The following SLC16A5 variants were observed in gnomAD, a reference collection of about 807,000 sequenced individuals.
The protein encoded by SLC16A5 is solute carrier family 16 member 5.
A neutral mutation model predicts 33.2 loss-of-function variants in SLC16A5; 29 were observed. The ratio of observed to expected loss-of-function variants is 0.87; its 90% CI spans 0.65 to 1.19. The LOEUF is 1.19. Ranked by LOEUF, SLC16A5 falls within the 50% of genes most tolerant of loss-of-function variation. SLC16A5 has a pLI of 0.00. For missense variants in SLC16A5, 606 were observed against 678.2 expected (o/e 0.89, Z 1.18); for synonymous variants, 248 against 284.1 (o/e 0.87, Z 1.28).
upstream of SLC16A5, chr17:75,087,921 G>C (rs1224917532): frequency 6.6e-6 from 1 of 152,164 alleles, no homozygotes; most frequent in Non-Finnish European, 1.5e-5. Flanking sequence ...ACACCGCCCT[G>C]GGCCCGCCCT....
Position 75,100,808 on chromosome 17 carries a change from C to G in SLC16A5, c.1145C>G (p.Pro382Arg), listed in dbSNP as rs758274595. 1.9e-6 allele frequency: 3 copies of G among 1,591,656 alleles called. No individual in the cohort carries two copies. Among genetic ancestry groups the G allele is most frequent in the Middle Eastern group, 1.7e-4 (1 of 6,012 alleles). ...GGCCTTGCTTTCCTCATCTCCCCAC[C>G]ACTGGCCGGTGAGGAGCTGGGAGGG... ...LDGLAFLISP[P>R]LAGLLLDATN... Residue 382 changes from proline (P) to arginine (R), a missense_variant, in exon 5 of 7, where the codon CCA becomes CGA. Transcript: ENST00000329783.
intron 2 of SLC16A5, 173 bp from the exon 3 acceptor site, chr17:75,093,416 T>A: frequency 6.5e-7 from 1 of 1,535,862 alleles, no homozygotes; most frequent in Non-Finnish European, 8.7e-7. Context: ...TGAAAGGAGA[T>A]GCCAAGGCCA....
intron 3 of SLC16A5, among the ~76,000 whole-genome samples, chr17:75,095,890 A>G (rs1409565472): frequency 6.6e-6 from 1 of 151,590 alleles, no homozygotes; most frequent in Non-Finnish European, 1.5e-5. Flanking sequence ...CGATCTCCTG[A>G]CCTCATGATC....
chr17:75,100,527 G>T lies in SLC16A5; in HGVS notation c.864G>T (p.Arg288Ser). The T allele has an allele frequency of 6.2e-7, 1 of 1,614,196 alleles. No individual in the cohort carries two copies. Among genetic ancestry groups the T allele is most frequent in the Non-Finnish European group, 8.5e-7 (1 of 1,180,028 alleles). The stretch of plus-strand genomic sequence containing the variant: ...TCGGCTTCAGCAACATCTTCCTGAG[G>T]CCCCTAGCCGGGCTGATGGCAGGAC... ...SIIGFSNIFLRPLAGLMAGRP... is the reference protein window; with the variant it reads ...SIIGFSNIFLSPLAGLMAGRP... The change falls in exon 5 of 7, where the codon AGG becomes AGT. Residue 288 changes from arginine (R) to serine (S), a missense_variant. Coordinates refer to ENST00000329783, the MANE Select transcript of SLC16A5 (RefSeq NM_004695.4).
chr17:75,094,029 T>TG (rs1246259654), intron 3 of SLC16A5, among the ~76,000 whole-genome samples, 194 bp downstream of exon 3: 1 of 150,798 alleles, frequency 6.6e-6, no homozygotes, highest in African/African-American at 2.4e-5. Flanking sequence ...GGGGAGAGAG[T>TG]GGGGAGGTGC....
At chr17:75,093,979 G>C (rs997059396) in intron 3 of SLC16A5, 144 bp downstream of exon 3, 1 of 1,273,072 alleles carries the variant, frequency 7.9e-7, no homozygotes, top group Admixed American at 2.8e-5. Flanking sequence ...GATTTCACCA[G>C]GGGCCCCTGG....
chr17:75,092,819 C>T (rs2144999061), intron 2 of SLC16A5, among the ~76,000 whole-genome samples: 1 of 117,468 alleles, frequency 8.5e-6, no homozygotes, highest in Middle Eastern at 4.0e-3. Flanking sequence ...CTGTGTGCCA[C>T]TGCGTGTGTG....
At position 75,093,340 on chromosome 17, in the gene SLC16A5, C is replaced by A; in HGVS notation, c.-48-249C>A. The A allele has an allele frequency of 3.4e-6, 5 of 1,454,704 alleles. No homozygotes were observed. In the East Asian group the frequency reaches 9.9e-5, roughly 29 times the overall value. The allele number at this position is 1,454,704 out of a possible 1,614,324, so 90.1% of individuals were successfully genotyped here. On this transcript the variant is annotated intron_variant, in intron 2 of 6. Transcript: ENST00000329783. ...CCACCTGCCCTGCCCCGTCCTGTCC[C>A]TCCTATCCCTCCTGTCCCTCCTGTC...
rs1430195840 is a variant in SLC16A5 at position 75,105,993 on chromosome 17, A to T, written c.1478A>T (p.Gln493Leu). 1.2e-6 allele frequency: 2 copies of T among 1,604,768 alleles called. No individual in the cohort carries two copies. The highest frequency in any genetic ancestry group is 2.7e-5 in the African/African-American group (2 of 74,742). Residue 493 changes from glutamine to leucine, a missense_variant, in exon 7 of 7, where the codon CAG (glutamine) becomes CTG (leucine). Coordinates refer to ENST00000329783, the MANE Select transcript of SLC16A5 (RefSeq NM_004695.4). Reference sequence around the variant, plus strand: ...CTCTTATGGCCAAAGGCGGTACTGCAGGCCAAGCAAACGGCTCTGGGCTGG... The same window carrying T: ...CTCTTATGGCCAAAGGCGGTACTGCTGGCCAAGCAAACGGCTCTGGGCTGG... Reference protein sequence around the residue: ...EWLLWPKAVLQAKQTALGWNS... With the variant: ...EWLLWPKAVLLAKQTALGWNS...
In SLC16A5 at chr17:75,099,987, T is replaced by C; in HGVS notation, c.344-20T>C. Reference sequence around the variant, plus strand: ...AGGCCCCAGTGCGCCTCCAGGCTGGTTTCCCCTCTTGCCCCGCAGGCCTGG... The same window carrying C: ...AGGCCCCAGTGCGCCTCCAGGCTGGCTTCCCCTCTTGCCCCGCAGGCCTGG... On this transcript the variant is annotated intron_variant, in intron 4 of 6. Transcript: ENST00000329783. 2 of 1,596,250 alleles carry C rather than the reference T, an allele frequency of 1.3e-6. No homozygotes were observed. Among genetic ancestry groups the C allele is most frequent in the Non-Finnish European group, 1.7e-6 (2 of 1,173,406 alleles).
At chr17:75,105,000 T>C (rs1436552816) in intron 6 of SLC16A5, 50 of 985,318 alleles carry the variant, frequency 5.1e-5, no homozygotes, top group Non-Finnish European at 6.0e-5. Flanking sequence ...TCTGAAGAGC[T>C]CACCTTCCTC....
At chr17:75,108,317 G>A (rs1208586022), downstream of SLC16A5, among the ~76,000 whole-genome samples, 1 of 152,176 alleles carries the variant, frequency 6.6e-6, no homozygotes, top group Non-Finnish European at 1.5e-5. Context: ...GCACCTAGGG[G>A]TAAGATGCAC....
chr17:75,105,321 A>G, intron 6 of SLC16A5: 1 of 985,438 alleles, frequency 1.0e-6, no homozygotes, highest in African/African-American at 1.7e-5. Context: ...GATTAGTGCC[A>G]GGTGGGGGAA....
At position 75,100,131 on chromosome 17, in the gene SLC16A5, G is replaced by A. The variant is rs1025034541; in HGVS notation, c.468G>A (p.Pro156=). 9.3e-6 allele frequency: 15 copies of A among 1,614,026 alleles called. No individual in the cohort carries two copies. In the African/African-American group the frequency reaches 1.1e-4, roughly 11 times the overall value. ...TCTCCCTGGGCATCACCCTCTGGCC[G>A]CTGCTCTCCCGCTACCTTCTGGAGA... The part of the protein sequence containing the change: ...MGVSLGITLW[P]LLSRYLLENL... The change falls in exon 5 of 7, where the codon CCG becomes CCA. Residue 156 remains proline, a synonymous_variant. Transcript: ENST00000329783.
downstream of SLC16A5, among the ~76,000 whole-genome samples, chr17:75,108,057 G>A (rs557319645): frequency 2.1e-4 from 32 of 152,184 alleles, no homozygotes; most frequent in South Asian, 1.5e-3. Context: ...AGCCGAGATC[G>A]CACCACTGTA....
rs1249293399 is a variant in SLC16A5, at chr17:75,100,521, C to T, written c.858C>T (p.Phe286=). ...LISIIGFSNI[F]LRPLAGLMAG... ...CCATCATCGGCTTCAGCAACATCTT[C>T]CTGAGGCCCCTAGCCGGGCTGATGG... Residue 286 remains phenylalanine (F), a synonymous_variant, in exon 5 of 7, where the codon TTC becomes TTT. Transcript: ENST00000329783. 6.2e-7 allele frequency: 1 copy of T among 1,614,130 alleles called. No homozygotes were observed. Among genetic ancestry groups the T allele is most frequent in the Non-Finnish European group, 8.5e-7 (1 of 1,180,050 alleles).
At chr17:75,107,168 C>T (rs1440112598), downstream of SLC16A5, among the ~76,000 whole-genome samples, 3 of 149,650 alleles carry the variant, frequency 2.0e-5, no homozygotes, top group African/African-American at 7.3e-5. Context: ...GACATGGTGG[C>T]ACAGGCCTGT....
At chr17:75,095,681 ATGGAGT>A (rs2073708481) in intron 3 of SLC16A5, among the ~76,000 whole-genome samples, 1 of 146,346 alleles carries the variant, frequency 6.8e-6, no homozygotes, top group African/African-American at 2.6e-5. Context: ...TTTTTTTTAG[ATGGAGT>A]CTCGCTCTGT....
At chr17:75,108,451 A>G (rs192063270), downstream of SLC16A5, among the ~76,000 whole-genome samples, 613 of 152,322 alleles carry the variant, frequency 4.0e-3, 1 homozygote, top group Non-Finnish European at 5.4e-3. Context: ...GGGGCTGACC[A>G]CAAGGACCTG....
Sources: allele counts gnomAD v4.1 joint callset (sites outside exome capture counted in the v4.1 genomes callset), GRCh38; gene constraint gnomAD v4.1.1; transcripts MANE v1.5; gene names NCBI Gene and HGNC (gene_info 2026-07-23, HGNC 2026-07-21).